The following PARL variants were observed in gnomAD, a reference collection of about 807,000 sequenced individuals.
PARL encodes the protein presenilin-associated rhomboid-like protein, mitochondrial.
PARL carries 44 observed loss-of-function variants against 51.6 expected under a neutral mutation model. That is an observed-to-expected ratio of 0.85 (90% CI 0.67 to 1.10). The LOEUF (loss-of-function observed/expected upper bound fraction) is 1.10, where lower values mean the gene tolerates loss of function less well. Ranked by LOEUF, PARL falls within the 50% of genes least tolerant of loss-of-function variation. The pLI, the probability that PARL is intolerant of heterozygous loss-of-function variation, is 0.00. For synonymous variants in PARL, 172 were observed against 164.0 expected (o/e 1.05, Z -0.37); for missense variants, 441 against 469.5 (o/e 0.94, Z 0.56).
chr3:183,871,093 ATAAT>A (rs1395695166), intron 1 of PARL, among the ~76,000 whole-genome samples: 1 of 152,188 alleles, frequency 6.6e-6, no homozygotes, highest in East Asian at 1.9e-4. Context: ...TAAAAGGTCA[ATAAT>A]TATCTGTCAG....
chr3:183,863,108 T>G (rs1463799606), intron 3 of PARL, among the ~76,000 whole-genome samples: 1 of 152,134 alleles, frequency 6.6e-6, no homozygotes, highest in Non-Finnish European at 1.5e-5. Context: ...TCACAAGGAA[T>G]AACAATAATG....
chr3:183,848,174 G>A (rs1730170145), intron 4 of PARL, among the ~76,000 whole-genome samples: 1 of 152,232 alleles, frequency 6.6e-6, no homozygotes, highest in Admixed American at 6.5e-5. Context: ...TAGCAAACCA[G>A]GGTGTATTTA....
chr3:183,882,503 G>A (rs1274184643), intron 1 of PARL, among the ~76,000 whole-genome samples: 1 of 151,322 alleles, frequency 6.6e-6, no homozygotes, highest in Non-Finnish European at 1.5e-5. Context: ...AATATAAAAT[G>A]TTAAGTGTTA....
intron 7 of PARL, among the ~76,000 whole-genome samples, chr3:183,839,975 T>C (rs2108604098): frequency 6.8e-6 from 1 of 147,138 alleles, no homozygotes; most frequent in South Asian, 2.2e-4. Context: ...GCTCATCCTC[T>C]CACCTTGGCC....
chr3:183,837,299 T>A (rs1356959658), intron 7 of PARL, among the ~76,000 whole-genome samples: 1 of 135,390 alleles, frequency 7.4e-6, no homozygotes, highest in African/African-American at 3.8e-5. Context: ...TTTGGCCTCA[T>A]ATCGATCATC....
At chr3:183,875,885 G>T (rs1436015152) in intron 1 of PARL, among the ~76,000 whole-genome samples, 5 of 152,202 alleles carry the variant, frequency 3.3e-5, no homozygotes, top group Admixed American at 3.3e-4. Flanking sequence ...CACTAATGCT[G>T]TTGGTGACTA....
At chr3:183,846,491 CAAA>C (rs1210443521) in intron 4 of PARL, 15 of 772,014 alleles carry the variant, frequency 1.9e-5, no homozygotes, top group Non-Finnish European at 2.3e-5. Context: ...GAAACTGTCT[CAAA>C]AAAAAAAAAA....
At chr3:183,867,695 G>A (rs534187318) in intron 2 of PARL, among the ~76,000 whole-genome samples, 170 bp downstream of exon 2, 236 of 142,756 alleles carry the variant, frequency 1.7e-3, no homozygotes, top group African/African-American at 5.1e-3. Flanking sequence ...GTGAGACTCC[G>A]TCTCAAAAAA....
chr3:183,838,858 T>C (rs1173029364), intron 7 of PARL, among the ~76,000 whole-genome samples: 2 of 152,190 alleles, frequency 1.3e-5, no homozygotes, highest in Non-Finnish European at 2.9e-5. Context: ...TTTCAGCTAA[T>C]TAGAAAGGTC....
At chr3:183,875,280 T>C (rs1733661705) in intron 1 of PARL, among the ~76,000 whole-genome samples, 1 of 151,690 alleles carries the variant, frequency 6.6e-6, no homozygotes, top group Admixed American at 6.6e-5. Context: ...CTGGGCGTGG[T>C]GGCGGGCGAC....
At chr3:183,864,703 G>C (rs190130278) in intron 3 of PARL, among the ~76,000 whole-genome samples, 2 of 151,810 alleles carry the variant, frequency 1.3e-5, no homozygotes, top group Non-Finnish European at 2.9e-5. Context: ...GTGAACCCGG[G>C]AGGCAGAGCT....
chr3:183,844,271 C>T lies in PARL; in HGVS notation c.567G>A (p.Gln189=). The change falls in exon 5 of 10, where the codon CAG becomes CAA. Residue 189 remains glutamine (Q), a synonymous_variant. Transcript: ENST00000317096. ...VFCLWRVPSL[Q]RTMIRYFTSN... is the part of the protein sequence containing the mutation. ...ATGTGAAATATCTGATCATTGTCCG[C>T]TGCAGAGAAGGTACTCTCCATAAAC... The T allele has an allele frequency of 6.2e-7, 1 of 1,609,556 alleles. No homozygotes were observed. The highest frequency in any genetic ancestry group is 8.5e-7 in the Non-Finnish European group (1 of 1,176,416).
chr3:183,830,932 A>C (rs1051685225), intron 9 of PARL, among the ~76,000 whole-genome samples: 5 of 152,186 alleles, frequency 3.3e-5, no homozygotes, highest in African/African-American at 4.8e-5. Flanking sequence ...AATTCTCCCC[A>C]AAAAAATCAC....
Position 183,833,710 on chromosome 3 carries a change from AT to A in PARL, c.930+13del, listed in dbSNP as rs747273630. ...ACCACTATCCCCAGCACTGCACTTC[AT>A]AAAAATACTTACATTCCCTGCTGTG... On this transcript the variant is annotated intron_variant, in intron 8 of 9. Coordinates refer to ENST00000317096, the MANE Select transcript of PARL (RefSeq NM_018622.7). 3.2e-6 allele frequency: 5 copies of A among 1,574,292 alleles called. No homozygotes were observed. The highest frequency in any genetic ancestry group is 4.4e-6 in the Non-Finnish European group (5 of 1,143,628).
chr3:183,832,696 T>C (rs967152866), intron 9 of PARL, among the ~76,000 whole-genome samples: 1 of 152,176 alleles, frequency 6.6e-6, no homozygotes, highest in Non-Finnish European at 1.5e-5. Context: ...GTCCTGACCG[T>C]GTTTCCGTGA....
intron 9 of PARL, among the ~76,000 whole-genome samples, 176 bp downstream of exon 9, chr3:183,833,316 G>A (rs1252577510): frequency 6.6e-6 from 1 of 152,108 alleles, no homozygotes; most frequent in East Asian, 1.9e-4. Context: ...GGTATGCTGG[G>A]TAAACCCAAA....
chr3:183,876,610 T>TAAAAAAAAAAAAAAA (rs576376716), intron 1 of PARL, among the ~76,000 whole-genome samples: 24 of 91,820 alleles, frequency 2.6e-4, no homozygotes, highest in East Asian at 6.9e-4. Context: ...ATACATTTTG[T>TAAAAAAAAAAAAAAA]AAAAAAAAAA....
At chr3:183,843,616 G>C (rs1358995823) in intron 5 of PARL, among the ~76,000 whole-genome samples, 1 of 152,130 alleles carries the variant, frequency 6.6e-6, no homozygotes, top group Non-Finnish European at 1.5e-5. Context: ...GGATCACGAG[G>C]TCAGGAGATC....
At chr3:183,835,364 A>G (rs546200683) in intron 7 of PARL, among the ~76,000 whole-genome samples, 33 of 152,312 alleles carry the variant, frequency 2.2e-4, no homozygotes, top group African/African-American at 7.9e-4. Context: ...GGGAATTACT[A>G]AAACTTTAAA....
Sources: gnomAD v4.1 joint callset for allele counts (sites outside exome capture counted in the v4.1 genomes callset) on GRCh38, gnomAD v4.1.1 for gene constraint, MANE v1.5 for transcripts, NCBI Gene and HGNC (gene_info 2026-07-23, HGNC 2026-07-21) for gene names.